ING3: variants seen among roughly 807,000 people sequenced by gnomAD.
ING3 encodes inhibitor of growth protein 3.
A neutral mutation model predicts 64.8 loss-of-function variants in ING3; 6 were observed. The ratio of observed to expected loss-of-function variants is 0.09; its 90% confidence interval spans 0.05 to 0.18. ING3 has a LOEUF of 0.18. Ranked by LOEUF, ING3 falls within the 10% of genes least tolerant of loss-of-function variation. ING3 has a pLI of 1.00. For synonymous variants in ING3, 170 were observed against 173.7 expected (o/e 0.98, Z 0.17); for missense variants, 310 against 489.7 (o/e 0.63, Z 3.46).
intron 4 of ING3, among the ~76,000 whole-genome samples, chr7:120,959,311 C>G (rs1165540662): frequency 6.6e-6 from 1 of 152,224 alleles, no homozygotes; most frequent in Non-Finnish European, 1.5e-5. Context: ...TATCCCCAAC[C>G]TTTGCACACC....
intron 8 of ING3, 112 bp from the exon 9 acceptor site, chr7:120,968,899 A>G (rs192549452): frequency 8.9e-6 from 6 of 676,558 alleles, no homozygotes; most frequent in Non-Finnish European, 1.2e-5. Flanking sequence ...AATAGTTTAA[A>G]CAATATAAAT....
chr7:120,960,162 C>A (rs1056195724), intron 4 of ING3, among the ~76,000 whole-genome samples: 17 of 152,132 alleles, frequency 1.1e-4, no homozygotes, highest in African/African-American at 4.1e-4. Flanking sequence ...GTTTCAGGCA[C>A]GTGGTATACC....
Position 120,950,807 on chromosome 7 carries a change from C to A in ING3, c.-90C>A. The A allele has an allele frequency of 1.1e-6, 1 of 906,202 alleles. No individual in the cohort carries two copies. Among genetic ancestry groups the A allele is most frequent in the Non-Finnish European group, 1.6e-6 (1 of 644,114 alleles). 56.1% of individuals were successfully genotyped at this position (906,202 alleles called of 1,614,324 possible). ...GTCGAGCGGGTGCTGCTAGCGGAGG[C>A]GCCATATTGGAGGGGACAAAACTCC... is the stretch of plus-strand genomic sequence containing the variant. On this transcript the variant is annotated 5_prime_UTR_variant, in exon 1 of 12. Coordinates refer to ENST00000315870, the MANE Select transcript of ING3 (RefSeq NM_019071.3).
intron 5 of ING3, among the ~76,000 whole-genome samples, chr7:120,965,835 T>G (rs149616105): frequency 4.0e-4 from 61 of 152,320 alleles, no homozygotes; most frequent in African/African-American, 1.4e-3. Context: ...GGAGGAACCC[T>G]ATATAAAGAT....
At chr7:120,968,604 A>C (rs1450477461) in intron 8 of ING3, among the ~76,000 whole-genome samples, 1 of 152,062 alleles carries the variant, frequency 6.6e-6, no homozygotes, top group African/African-American at 2.4e-5. Context: ...CAGCTCTTTG[A>C]TAGGCCGAGG....
At position 120,975,778 on chromosome 7, in the gene ING3, T is replaced by C. The variant is rs1446858898; in HGVS notation, c.*934T>C. On this transcript the variant is annotated 3_prime_UTR_variant, in exon 12 of 12. Transcript: ENST00000315870. ...ACAGAATACTGTGTAATCTGTGATG[T>C]CTTTAATGATGTTTAGAGTTTGTGA... The C allele has an allele frequency of 4.6e-5, 7 of 152,208 alleles. No individual in the cohort carries two copies. The highest frequency in any genetic ancestry group is 1.0e-4 in the Non-Finnish European group (7 of 68,028). The allele number at this position is 152,208 out of a possible 1,614,324, so 9.4% of individuals were successfully genotyped here. A position where few individuals can be genotyped will look rare whatever the true frequency, so the allele number is the denominator to read the frequency against.
At position 120,975,994 on chromosome 7, in the gene ING3, C is replaced by G. The variant is rs1254736506; in HGVS notation, c.*1150C>G. ...AGCCAAATAGAGTAAAGAGACCCCC[C>G]TGGTCGGGAGCTCCAAATTGAGCTA... On this transcript the variant is annotated 3_prime_UTR_variant, in exon 12 of 12. Coordinates refer to ENST00000315870, the MANE Select transcript of ING3 (RefSeq NM_019071.3). 6.6e-6 allele frequency: 1 copy of G among 152,090 alleles called. No individual in the cohort carries two copies. Among genetic ancestry groups the G allele is most frequent in the Non-Finnish European group, 1.5e-5 (1 of 68,010 alleles). 9.4% of individuals were successfully genotyped at this position (152,090 alleles called of 1,614,324 possible). A position where few individuals can be genotyped will look rare whatever the true frequency, so the allele number is the denominator to read the frequency against.
At chr7:120,957,228 C>T (rs1317294014) in intron 4 of ING3, among the ~76,000 whole-genome samples, 25 of 151,998 alleles carry the variant, frequency 1.6e-4, no homozygotes, top group African/African-American at 6.0e-4. Flanking sequence ...AAATATTAGC[C>T]GGGCCTGGTG....
chr7:120,962,979 T>G (rs1246026324), intron 4 of ING3, among the ~76,000 whole-genome samples: 1 of 152,110 alleles, frequency 6.6e-6, no homozygotes, highest in Non-Finnish European at 1.5e-5. Flanking sequence ...CTCCATTTAA[T>G]CCAGCACCAA....
In ING3 at chr7:120,956,628, A is replaced by G. The variant is rs957666053; in HGVS notation, c.267+1004A>G. 1.2e-4 allele frequency: 115 copies of G among 988,162 alleles called. 1 individual carries two copies. Among genetic ancestry groups the G allele is most frequent in the Non-Finnish European group, 1.3e-4 (111 of 830,586 alleles). The allele number at this position is 988,162 out of a possible 1,614,324, so 61.2% of individuals were successfully genotyped here. On this transcript the variant is annotated intron_variant, in intron 4 of 11. Coordinates refer to ENST00000315870, the MANE Select transcript of ING3 (RefSeq NM_019071.3). Reference sequence around the variant, plus strand: ...GAGTTATTCTGAAAAAAATTTCATAAAAGACACTGCCTAAAGATAGGTAGA... The same window carrying G: ...GAGTTATTCTGAAAAAAATTTCATAGAAGACACTGCCTAAAGATAGGTAGA...
At chr7:120,967,905 A>G in intron 7 of ING3, 29 bp from the exon 8 acceptor site, 2 of 1,610,216 alleles carry the variant, frequency 1.2e-6, no homozygotes, top group Non-Finnish European at 1.7e-6. Context: ...CTCTGCAACC[A>G]TTTTTATTTC....
chr7:120,963,460 GT>G (rs1795959877), intron 4 of ING3, among the ~76,000 whole-genome samples: 1 of 151,396 alleles, frequency 6.6e-6, no homozygotes, highest in African/African-American at 2.4e-5. Context: ...AAAAACAGTT[GT>G]TTTCTGCATG....
intron 4 of ING3, among the ~76,000 whole-genome samples, chr7:120,957,753 C>T (rs1795870768): frequency 6.6e-6 from 1 of 152,072 alleles, no homozygotes; most frequent in Non-Finnish European, 1.5e-5. Flanking sequence ...GTAATAAAGG[C>T]GAGGTAGTAA....
At chr7:120,968,393 G>C (rs1259283526) in intron 8 of ING3, among the ~76,000 whole-genome samples, 1 of 152,052 alleles carries the variant, frequency 6.6e-6, no homozygotes, top group East Asian at 1.9e-4. Context: ...ATAGTTCTTC[G>C]TTCTTTCTGC....
At chr7:120,964,416 C>T (rs1351097142) in intron 4 of ING3, among the ~76,000 whole-genome samples, 1 of 152,092 alleles carries the variant, frequency 6.6e-6, no homozygotes, top group Non-Finnish European at 1.5e-5. Flanking sequence ...CAGCCTCCAC[C>T]ATCCCCTCCT....
In ING3 at chr7:120,974,079, T is replaced by G. The variant is rs537731774; in HGVS notation, c.1141-649T>G. Among the ~76,000 whole-genome samples the G allele has an allele frequency of 1.5e-4, 23 of 152,292 alleles. No individual in the cohort carries two copies. The South Asian group carries it at 2.5e-3, about 16-fold the overall frequency. Reference sequence around the variant, plus strand: ...GCAAAAACAATATTGCCCAACCATTTCAAGAACATCACTGTAAACTCTTCT... The same window carrying G: ...GCAAAAACAATATTGCCCAACCATTGCAAGAACATCACTGTAAACTCTTCT... On this transcript the variant is annotated intron_variant, in intron 11 of 11. Transcript: ENST00000315870.
rs1796116411 is a variant in ING3 at position 120,974,964 on chromosome 7, A to G, written c.*120A>G. On this transcript the variant is annotated 3_prime_UTR_variant, in exon 12 of 12. Transcript: ENST00000315870. ...TTCCAGGCAACCACTTAAAGGATTT[A>G]CATAGACAATCCTATAAGATCTTGA... The G allele has an allele frequency of 1.7e-6, 1 of 601,482 alleles. No individual in the cohort carries two copies. Among genetic ancestry groups the G allele is most frequent in the South Asian group, 2.2e-5 (1 of 45,842 alleles). 37.3% of individuals were successfully genotyped at this position (601,482 alleles called of 1,614,324 possible). A position where few individuals can be genotyped will look rare whatever the true frequency, so the allele number is the denominator to read the frequency against.
chr7:120,973,699 G>A lies in ING3; in HGVS notation c.1140+456G>A, dbSNP rs144094014. Among the ~76,000 whole-genome samples the A allele has an allele frequency of 3.6e-3, 545 of 152,260 alleles. 7 individuals carry two copies. The highest frequency in any genetic ancestry group is 0.031 in the South Asian group (150 of 4,830). On this transcript the variant is annotated intron_variant, in intron 11 of 11. Transcript: ENST00000315870. Reference sequence around the variant, plus strand: ...TAATATTTTTTCCTGTACTCTGCAGGTGTCAGCTGATAAGAGCCACCCCTG... The same window carrying A: ...TAATATTTTTTCCTGTACTCTGCAGATGTCAGCTGATAAGAGCCACCCCTG...
At position 120,951,313 on chromosome 7, in the gene ING3, AGT is replaced by A. The variant is rs965647576; in HGVS notation, c.100+80_100+81del. Reference sequence around the variant, plus strand: ...TTGCTTGTCATCACTGCTAGCGCCTAGTGCTCTTTCACTGTCCTCTGGCTCAC... The same window carrying A: ...TTGCTTGTCATCACTGCTAGCGCCTAGCTCTTTCACTGTCCTCTGGCTCAC... On this transcript the variant is annotated intron_variant, in intron 2 of 11. Transcript: ENST00000315870. The A allele has an allele frequency of 2.9e-6, 4 of 1,372,226 alleles. No homozygotes were observed. In the African/African-American group the frequency reaches 5.7e-5, roughly 20 times the overall value. 85.0% of individuals were successfully genotyped at this position (1,372,226 alleles called of 1,614,324 possible). A position where few individuals can be genotyped will look rare whatever the true frequency, so the allele number is the denominator to read the frequency against.
Sources: allele counts gnomAD v4.1 joint callset (sites outside exome capture counted in the v4.1 genomes callset), GRCh38; gene constraint gnomAD v4.1.1; transcripts MANE v1.5; gene names NCBI Gene and HGNC (gene_info 2026-07-23, HGNC 2026-07-21).